Variants in COL5A2 observed in about 807,000 individuals in gnomAD.
The protein encoded by COL5A2 is collagen type V alpha 2 chain.
Under a neutral mutation model 208.2 loss-of-function variants are expected in COL5A2, and 23 were observed. That is an observed-to-expected ratio of 0.11 (90% CI 0.08 to 0.16). COL5A2 has a LOEUF of 0.16. Ranked by LOEUF, COL5A2 falls within the 10% of genes least tolerant of loss-of-function variation. The pLI, the probability that COL5A2 is intolerant of heterozygous loss-of-function variation, is 1.00. For missense variants in COL5A2, 1,590 were observed against 1,956.4 expected (o/e 0.81, Z 3.53); for synonymous variants, 625 against 628.5 (o/e 0.99, Z 0.08).
At chr2:189,198,483 C>T (rs758827329) in intron 1 of COL5A2, among the ~76,000 whole-genome samples, 1 of 152,086 alleles carries the variant, frequency 6.6e-6, no homozygotes, top group Non-Finnish European at 1.5e-5. Context: ...GAAGGTACCA[C>T]TTTTTGAAGA....
chr2:189,247,671 C>G, the COL5A2 span, among the ~76,000 whole-genome samples: 1 of 151,878 alleles, frequency 6.6e-6, no homozygotes, highest in Non-Finnish European at 1.5e-5. Flanking sequence ...CCTCCACCTC[C>G]TGGACTCAAG....
At chr2:189,319,908 AC>A in the COL5A2 span, among the ~76,000 whole-genome samples, 115 of 151,842 alleles carry the variant, frequency 7.6e-4, no homozygotes, top group Non-Finnish European at 1.5e-3. Context: ...TCTGGGAGGC[AC>A]CCCCCCAGTA....
intron 12 of COL5A2, among the ~76,000 whole-genome samples, chr2:189,082,290 T>C (rs1398849088): frequency 2.0e-5 from 3 of 152,236 alleles, no homozygotes; most frequent in Non-Finnish European, 4.4e-5. Flanking sequence ...AATTCGTCTG[T>C]GACCTCTTGA....
chr2:189,270,834 A>T, the COL5A2 span, among the ~76,000 whole-genome samples: 1 of 152,168 alleles, frequency 6.6e-6, no homozygotes, highest in Admixed American at 6.6e-5. Flanking sequence ...CAATGTGAAA[A>T]AATCACAAGC....
the COL5A2 span, among the ~76,000 whole-genome samples, chr2:189,332,855 G>T: frequency 6.6e-6 from 1 of 152,196 alleles, no homozygotes; most frequent in African/African-American, 2.4e-5. Context: ...TTGGGATGGG[G>T]TAACAGGCAG....
At chr2:189,349,410 A>G in the COL5A2 span, among the ~76,000 whole-genome samples, 2 of 152,176 alleles carry the variant, frequency 1.3e-5, no homozygotes, top group African/African-American at 4.8e-5. Flanking sequence ...TTAGAGGGAT[A>G]CCAAATCCAA....
At chr2:189,057,234 A>G (rs1285541037) in intron 34 of COL5A2, 86 bp downstream of exon 34, 1 of 1,094,258 alleles carries the variant, frequency 9.1e-7, no homozygotes, top group African/African-American at 1.6e-5. Context: ...TGGTAGAAAT[A>G]AAAGCCTGCT....
In COL5A2 at chr2:189,110,216, C is replaced by T. The variant is rs1687231954; in HGVS notation, c.322+9G>A. The T allele has an allele frequency of 6.3e-7, 1 of 1,591,538 alleles. No homozygotes were observed. The highest frequency in any genetic ancestry group is 8.6e-7 in the Non-Finnish European group (1 of 1,159,968). On this transcript the variant is annotated intron_variant, in intron 2 of 53. Coordinates refer to ENST00000374866, the MANE Select transcript of COL5A2 (RefSeq NM_000393.5). ...GGATCAATTATGAGTTGGCCCTAAA[C>T]ATTCTTACCAAAATTGGTATTGCCA...
At chr2:189,383,852 TA>T in the COL5A2 span, among the ~76,000 whole-genome samples, 1 of 152,028 alleles carries the variant, frequency 6.6e-6, no homozygotes, top group African/African-American at 2.4e-5. Context: ...CACTATAACC[TA>T]TTCCTTCTAA....
the COL5A2 span, among the ~76,000 whole-genome samples, chr2:189,313,654 G>C: frequency 6.6e-6 from 1 of 152,072 alleles, no homozygotes; most frequent in East Asian, 1.9e-4. Context: ...TGACAAGCTG[G>C]ATAAAGAACC....
chr2:189,112,556 G>A (rs1687305189), intron 1 of COL5A2, among the ~76,000 whole-genome samples: 1 of 152,142 alleles, frequency 6.6e-6, no homozygotes, highest in Admixed American at 6.5e-5. Context: ...TTGGCAAACG[G>A]AAAATTGCTT....
rs376757566 is a variant in COL5A2, at chr2:189,034,985, T to G, written c.4284A>C (p.Ala1428=). ...NLKKAVVLKG[A]NDLDIKAEGN... ...CCTCTGCTTTGATATCTAAGTCATTTGCCCCTTTGAGAACCACAGCTTTTT... is the reference window on the plus strand; with the variant it reads ...CCTCTGCTTTGATATCTAAGTCATTGGCCCCTTTGAGAACCACAGCTTTTT... The change falls in exon 53 of 54, where the codon GCA becomes GCC. Residue 1428 remains alanine (A), a synonymous_variant. Coordinates refer to ENST00000374866, the MANE Select transcript of COL5A2 (RefSeq NM_000393.5). The G allele has an allele frequency of 6.2e-7, 1 of 1,613,864 alleles. No homozygotes were observed. Among genetic ancestry groups the G allele is most frequent in the African/African-American group, 1.3e-5 (1 of 74,916 alleles).
the COL5A2 span, among the ~76,000 whole-genome samples, chr2:189,293,901 C>G: frequency 1.3e-5 from 2 of 152,018 alleles, no homozygotes; most frequent in Non-Finnish European, 2.9e-5. Context: ...CTGGCTAACA[C>G]GGTGAAACCC....
At chr2:189,222,591 A>T (rs1333792973) in intron 1 of COL5A2, among the ~76,000 whole-genome samples, 1 of 152,156 alleles carries the variant, frequency 6.6e-6, no homozygotes, top group African/African-American at 2.4e-5. Context: ...CAAATGCCAG[A>T]ACAGAAATGA....
chr2:189,052,182 G>A lies in COL5A2; in HGVS notation c.2759C>T (p.Pro920Leu), dbSNP rs1323616450. The A allele has an allele frequency of 6.2e-7, 1 of 1,613,606 alleles. No homozygotes were observed. The highest frequency in any genetic ancestry group is 1.3e-5 in the African/African-American group (1 of 74,886). ...ACTAAGTTGACTTACAGCAGGGCCT[G>A]GAGGTCCAACTCTGCCCGCAGAACC... is the stretch of plus-strand genomic sequence containing the variant. ...FPGSAGRVGP[P>L]GPAGAPGPAG... Residue 920 changes from proline to leucine, a missense_variant, in exon 41 of 54, where the codon CCA becomes CTA. Physicochemically the swap from Pro to Leu is moderately conservative, Grantham distance 98. Transcript: ENST00000374866.
At chr2:189,372,882 G>A in the COL5A2 span, among the ~76,000 whole-genome samples, 2 of 152,014 alleles carry the variant, frequency 1.3e-5, no homozygotes, top group South Asian at 2.1e-4. Context: ...CTGTTTGTAG[G>A]CTTTTATTAT....
chr2:189,117,837 T>C (rs1687424204), intron 1 of COL5A2, among the ~76,000 whole-genome samples: 1 of 152,138 alleles, frequency 6.6e-6, no homozygotes, highest in Non-Finnish European at 1.5e-5. Flanking sequence ...TATAGCTCTG[T>C]GAGAACACAT....
the COL5A2 span, among the ~76,000 whole-genome samples, chr2:189,383,475 C>T: frequency 3.9e-5 from 6 of 152,150 alleles, no homozygotes; most frequent in Admixed American, 2.0e-4. Context: ...AAGGCTTCAA[C>T]GTATGAATTA....
intron 1 of COL5A2, among the ~76,000 whole-genome samples, chr2:189,130,288 G>C (rs1041281627): frequency 2.6e-5 from 4 of 152,016 alleles, no homozygotes; most frequent in African/African-American, 9.7e-5. Flanking sequence ...GATATTTTAA[G>C]AGGTGAGTCT....
Sources: allele counts gnomAD v4.1 joint callset (sites outside exome capture counted in the v4.1 genomes callset), GRCh38; gene constraint gnomAD v4.1.1; transcripts MANE v1.5; gene names NCBI Gene and HGNC (gene_info 2026-07-23, HGNC 2026-07-21).